KIAA0319: variants seen among roughly 807,000 people sequenced by gnomAD.
KIAA0319 encodes KIAA0319.
Under a neutral mutation model 108.4 loss-of-function variants are expected in KIAA0319, and 83 were observed. That is an observed-to-expected ratio of 0.77 (90% CI 0.64 to 0.92). The LOEUF (loss-of-function observed/expected upper bound fraction) is 0.92. Ranked by LOEUF, KIAA0319 falls within the 40% of genes least tolerant of loss-of-function variation. The pLI, the probability that KIAA0319 is intolerant of heterozygous loss-of-function variation, is 0.00. For synonymous variants in KIAA0319, 484 were observed against 510.4 expected, an observed-to-expected ratio of 0.95 and a Z score of 0.70; for missense variants, 1,195 against 1,322.4, an observed-to-expected ratio of 0.90 and a Z score of 1.49.
Position 24,640,982 on chromosome 6 carries a change from T to C in KIAA0319, c.-106+4754A>G, listed in dbSNP as rs547694364. On this transcript the variant is annotated intron_variant, in intron 1 of 20. Coordinates refer to ENST00000378214, the MANE Select transcript of KIAA0319 (RefSeq NM_014809.4). ...TTTAACCATTTTTAAATATACAATT[T>C]AGCAGCAACCATCATCACTATCTAT... is the stretch of plus-strand genomic sequence containing the variant. 3.9e-5 allele frequency among the ~76,000 whole-genome samples: 6 copies of C among 152,286 alleles called. No individual in the cohort carries two copies. In the South Asian group the frequency reaches 6.2e-4, roughly 16 times the overall value.
chr6:24,552,643 T>C (rs929358071), intron 19 of KIAA0319, among the ~76,000 whole-genome samples: 1 of 152,234 alleles, frequency 6.6e-6, no homozygotes, highest in Admixed American at 6.5e-5. Context: ...TTTGCTTTTG[T>C]TGCCCTGGCT....
rs373799569 is a variant in KIAA0319, at chr6:24,546,411, C to G, written c.*754G>C. On this transcript the variant is annotated 3_prime_UTR_variant, in exon 21 of 21. Coordinates refer to ENST00000378214, the MANE Select transcript of KIAA0319 (RefSeq NM_014809.4). ...AGAGAACTATACTGCTAAACAACAC[C>G]GAGAGGAGTCAGTGTAGTTTTTCTT... is the stretch of plus-strand genomic sequence containing the variant. The G allele has an allele frequency of 6.6e-6, 1 of 151,886 alleles. No individual in the cohort carries two copies. Among genetic ancestry groups the G allele is most frequent in the South Asian group, 2.1e-4 (1 of 4,780 alleles). The allele number at this position is 151,886 out of a possible 1,614,324, so 9.4% of individuals were successfully genotyped here. A position where few individuals can be genotyped will look rare whatever the true frequency, so the allele number is the denominator to read the frequency against.
At chr6:24,551,145 A>AT (rs5874990) in intron 20 of KIAA0319, among the ~76,000 whole-genome samples, 51,268 of 145,628 alleles carry the variant, frequency 0.35, 9,689 homozygotes, top group Non-Finnish European at 0.45. Context: ...CGCCCGGCTA[A>AT]TTTTTTTTTT....
chr6:24,579,575 A>C (rs1766150964), intron 8 of KIAA0319, among the ~76,000 whole-genome samples: 1 of 149,406 alleles, frequency 6.7e-6, no homozygotes, highest in Non-Finnish European at 1.5e-5. Context: ...ACTGCTAACC[A>C]TATATACCAC....
chr6:24,583,079 G>A (rs1027000322), intron 5 of KIAA0319: 19 of 985,148 alleles, frequency 1.9e-5, no homozygotes, highest in Non-Finnish European at 2.2e-5. Context: ...CAATGCATTT[G>A]ACAGGCCACA....
At chr6:24,611,474 G>A (rs182760986) in intron 1 of KIAA0319, among the ~76,000 whole-genome samples, 6 of 152,140 alleles carry the variant, frequency 3.9e-5, no homozygotes, top group Non-Finnish European at 5.9e-5. Flanking sequence ...ACTCTAGCCC[G>A]GGCGACAGAG....
intron 16 of KIAA0319, among the ~76,000 whole-genome samples, chr6:24,560,115 C>T (rs807543): frequency 0.9 from 137,055 of 152,058 alleles, 62,826 homozygotes; most frequent in African/African-American, 0.98. Context: ...CTGGTGGACA[C>T]TTGAGTTGCT....
intron 1 of KIAA0319, among the ~76,000 whole-genome samples, chr6:24,627,467 C>CT (rs1554181679): frequency 6.9e-5 from 1 of 14,438 alleles, no homozygotes. Flanking sequence ...TCCTTCTTTC[C>CT]TTTTTTTCCT....
chr6:24,610,267 A>G (rs1331103043), intron 1 of KIAA0319, among the ~76,000 whole-genome samples: 2 of 152,180 alleles, frequency 1.3e-5, no homozygotes, highest in Non-Finnish European at 2.9e-5. Context: ...TTAAATATGA[A>G]CAAGAACCTG....
rs1746208380 is a variant in KIAA0319 at position 24,572,511 on chromosome 6, C to G, written c.1858+64G>C. On this transcript the variant is annotated intron_variant, in intron 11 of 20. Coordinates refer to ENST00000378214, the MANE Select transcript of KIAA0319 (RefSeq NM_014809.4). ...CCACCAAGTGTGGCATCTCCAAACCCCAGAAGCCCAGCTATCATTTCTGCT... is the reference window on the plus strand; with the variant it reads ...CCACCAAGTGTGGCATCTCCAAACCGCAGAAGCCCAGCTATCATTTCTGCT... 7.6e-6 allele frequency: 12 copies of G among 1,573,658 alleles called. No individual in the cohort carries two copies. The South Asian group carries it at 1.4e-4, about 19-fold the overall frequency.
intron 1 of KIAA0319, among the ~76,000 whole-genome samples, chr6:24,603,478 T>C (rs1006054333): frequency 2.6e-5 from 4 of 152,342 alleles, no homozygotes; most frequent in East Asian, 1.9e-4. Context: ...GATGGTATGT[T>C]GTAATAAACT....
downstream of KIAA0319, among the ~76,000 whole-genome samples, chr6:24,543,926 A>G (rs757551618): frequency 6.6e-6 from 1 of 152,212 alleles, no homozygotes; most frequent in Non-Finnish European, 1.5e-5. Context: ...CTTCCGGAAC[A>G]CTTGTCTTCC....
Position 24,547,133 on chromosome 6 carries a change from G to A in KIAA0319, c.*32C>T, listed in dbSNP as rs1061164. 1 of 1,609,762 alleles carries A rather than the reference G, an allele frequency of 6.2e-7. No homozygotes were observed. The highest frequency in any genetic ancestry group is 2.2e-5 in the East Asian group (1 of 44,844). On this transcript the variant is annotated 3_prime_UTR_variant, in exon 21 of 21. Transcript: ENST00000378214. ...TCCCACTGACTGGTCTTGGATTCAA[G>A]GGGTCCTTCCACTTTACAATGAACT...
Position 24,596,223 on chromosome 6 carries a change from C to T in KIAA0319, c.451G>A (p.Glu151Lys), listed in dbSNP as rs375547852. ...LTFLGKDWGLEEMSEYSDDYR... is the reference protein window; with the variant it reads ...LTFLGKDWGLKEMSEYSDDYR... ...TCATCTGAGTACTCAGACATCTCCT[C>T]TAGGCCCCAATCTTTGCCTAGAAAG... The change falls in exon 3 of 21, where the codon GAG becomes AAG. Residue 151 changes from glutamate to lysine, a missense_variant. Coordinates refer to ENST00000378214, the MANE Select transcript of KIAA0319 (RefSeq NM_014809.4). 8.1e-6 allele frequency: 13 copies of T among 1,614,068 alleles called. No individual in the cohort carries two copies. The African/African-American group carries it at 1.6e-4, about 20-fold the overall frequency.
intron 1 of KIAA0319, among the ~76,000 whole-genome samples, chr6:24,638,837 G>A (rs1214174412): frequency 6.6e-6 from 1 of 152,108 alleles, no homozygotes; most frequent in Non-Finnish European, 1.5e-5. Context: ...AGGGATCTAA[G>A]GTACAGCATG....
chr6:24,546,383 A>T lies in KIAA0319; in HGVS notation c.*782T>A, dbSNP rs1211931455. ...TAATGTAAACTGGGGATCCGTTTAC[A>T]TTAGAGAACTATACTGCTAAACAAC... On this transcript the variant is annotated 3_prime_UTR_variant, in exon 21 of 21. Coordinates refer to ENST00000378214, the MANE Select transcript of KIAA0319 (RefSeq NM_014809.4). The T allele has an allele frequency of 2.0e-5, 3 of 152,178 alleles. No homozygotes were observed. The highest frequency in any genetic ancestry group is 4.4e-5 in the Non-Finnish European group (3 of 67,998). The allele number at this position is 152,178 out of a possible 1,614,324, so 9.4% of individuals were successfully genotyped here.
In KIAA0319 at chr6:24,572,603, A is replaced by C; in HGVS notation, c.1830T>G (p.Thr610=). 6.2e-7 allele frequency: 1 copy of C among 1,614,070 alleles called. No individual in the cohort carries two copies. Among genetic ancestry groups the C allele is most frequent in the Non-Finnish European group, 8.5e-7 (1 of 1,179,954 alleles). ...KVTDSSRQQS[T]AVVTVIVQPE... is the part of the protein sequence containing the mutation. Reference sequence around the variant, plus strand: ...GCTGGACAATCACAGTCACCACAGCAGTAGACTGTTGCCTTGAAGAATCTG... The same window carrying C: ...GCTGGACAATCACAGTCACCACAGCCGTAGACTGTTGCCTTGAAGAATCTG... Residue 610 remains threonine (T), a synonymous_variant, in exon 11 of 21, where the codon ACT becomes ACG. Transcript: ENST00000378214.
At chr6:24,635,323 C>G (rs146424941) in intron 1 of KIAA0319, among the ~76,000 whole-genome samples, 1 of 152,164 alleles carries the variant, frequency 6.6e-6, no homozygotes, top group East Asian at 1.9e-4. Flanking sequence ...AGGCTGGTCT[C>G]AAGCTCCTGA....
rs1235541152 is a variant in KIAA0319, at chr6:24,559,068, G to C, written c.2679C>G (p.Leu893=). 4 of 1,613,590 alleles carry C rather than the reference G, an allele frequency of 2.5e-6. No homozygotes were observed. The highest frequency in any genetic ancestry group is 1.1e-5 in the South Asian group (1 of 90,946). Residue 893 remains leucine (L), a synonymous_variant, in exon 17 of 21, where the codon CTC becomes CTG. Transcript: ENST00000378214. ...AEVARNLHMR[L]SKEKADFLLF... ...GCAAGAAGTCAGCCTTCTCCTTTGAGAGCCGCATGTGCAGATTTCGGGCCA... is the reference window on the plus strand; with the variant it reads ...GCAAGAAGTCAGCCTTCTCCTTTGACAGCCGCATGTGCAGATTTCGGGCCA...
Sources: allele counts gnomAD v4.1 joint callset (sites outside exome capture counted in the v4.1 genomes callset), GRCh38; gene constraint gnomAD v4.1.1; transcripts MANE v1.5; gene names NCBI Gene and HGNC (gene_info 2026-07-23, HGNC 2026-07-21).